CALN1: variants seen among roughly 807,000 people sequenced by gnomAD.
The protein encoded by CALN1 is calcium-binding protein 8.
A neutral mutation model predicts 30.6 loss-of-function variants in CALN1; 17 were observed. The ratio of observed to expected loss-of-function variants is 0.56; its 90% confidence interval spans 0.38 to 0.83. CALN1 has a LOEUF of 0.83. CALN1 is among the 40% of genes least tolerant of loss of function. The pLI is 0.00. For synonymous variants in CALN1, 156 were observed against 131.4 expected (o/e 1.19, Z -1.28); for missense variants, 291 against 354.9 (o/e 0.82, Z 1.45).
chr7:72,311,865 A>G (rs533204553), intron 2 of CALN1, among the ~76,000 whole-genome samples: 1 of 151,894 alleles, frequency 6.6e-6, no homozygotes, highest in Non-Finnish European at 1.5e-5. Context: ...CAAGGCTCAG[A>G]CTTTGAAGAA....
intron 3 of CALN1, among the ~76,000 whole-genome samples, chr7:72,128,905 C>T (rs80138918): frequency 0.024 from 3,630 of 151,974 alleles, 155 homozygotes; most frequent in African/African-American, 0.083. Context: ...TTTGTCAGGG[C>T]AAAAATCAGG....
intron 4 of CALN1, among the ~76,000 whole-genome samples, chr7:72,084,050 A>G (rs1180196800): frequency 6.6e-6 from 1 of 151,706 alleles, no homozygotes; most frequent in East Asian, 1.9e-4. Context: ...CTCTACTAAA[A>G]ATACAAAAAT....
At chr7:71,816,464 C>T (rs1275445974) in intron 5 of CALN1, among the ~76,000 whole-genome samples, 1 of 152,050 alleles carries the variant, frequency 6.6e-6, no homozygotes, top group East Asian at 1.9e-4. Context: ...AGACCCCCTG[C>T]CATGATCAGA....
chr7:72,499,590 C>T, the CALN1 span, among the ~76,000 whole-genome samples: 1 of 151,870 alleles, frequency 6.6e-6, no homozygotes, highest in Non-Finnish European at 1.5e-5. Context: ...AACTGACTCA[C>T]ATGCAGACTC....
the CALN1 span, among the ~76,000 whole-genome samples, chr7:72,470,789 C>A: frequency 1.3e-5 from 2 of 152,150 alleles, no homozygotes; most frequent in African/African-American, 4.8e-5. Context: ...GCAGGGGAAG[C>A]AAACCCATAT....
intron 1 of CALN1, among the ~76,000 whole-genome samples, chr7:72,434,704 T>A (rs913218042): frequency 4.6e-5 from 7 of 152,198 alleles, no homozygotes; most frequent in African/African-American, 1.7e-4. Flanking sequence ...GAGGGCTCCC[T>A]TCATCTGAAG....
chr7:72,154,058 G>A (rs539668414), intron 3 of CALN1, among the ~76,000 whole-genome samples: 1 of 152,216 alleles, frequency 6.6e-6, no homozygotes, highest in African/African-American at 2.4e-5. Flanking sequence ...ATCTCATGAT[G>A]AGATGTCCCT....
chr7:72,054,316 A>G (rs186811596), intron 4 of CALN1, among the ~76,000 whole-genome samples: 23 of 151,378 alleles, frequency 1.5e-4, no homozygotes, highest in Non-Finnish European at 2.7e-4. Flanking sequence ...GTGTAAGATG[A>G]TATCTCATTG....
chr7:72,391,336 T>G (rs1371277856), intron 2 of CALN1, among the ~76,000 whole-genome samples: 1 of 152,172 alleles, frequency 6.6e-6, no homozygotes, highest in Non-Finnish European at 1.5e-5. Context: ...ATCAGAGGTA[T>G]CCACAGGATC....
chr7:72,408,121 G>C (rs919571191), intron 1 of CALN1, among the ~76,000 whole-genome samples: 1 of 151,874 alleles, frequency 6.6e-6, no homozygotes, highest in African/African-American at 2.4e-5. Context: ...GTTCCCTTTG[G>C]TTCCATATTG....
chr7:71,789,003 A>G (rs547474649), intron 6 of CALN1, among the ~76,000 whole-genome samples: 2 of 151,796 alleles, frequency 1.3e-5, no homozygotes, highest in African/African-American at 4.8e-5. Flanking sequence ...GGGTCTTGCT[A>G]TGTTGCCCAG....
chr7:72,087,894 G>A (rs753336860), intron 4 of CALN1, among the ~76,000 whole-genome samples: 1 of 152,180 alleles, frequency 6.6e-6, no homozygotes, highest in Non-Finnish European at 1.5e-5. Context: ...TGGGCGTGAT[G>A]GTGCACGCCT....
intron 2 of CALN1, among the ~76,000 whole-genome samples, chr7:72,358,598 C>G (rs948342080): frequency 1.3e-5 from 2 of 152,112 alleles, no homozygotes; most frequent in African/African-American, 4.8e-5. Context: ...AGAAGAAAAG[C>G]GCAATTTGTG....
At chr7:71,809,006 C>A (rs1787782612) in intron 6 of CALN1, among the ~76,000 whole-genome samples, 1 of 152,152 alleles carries the variant, frequency 6.6e-6, no homozygotes. Flanking sequence ...ACTCCAAATA[C>A]AGTCATTGAT....
At chr7:72,275,228 C>A (rs552361336) in intron 3 of CALN1, among the ~76,000 whole-genome samples, 1 of 152,206 alleles carries the variant, frequency 6.6e-6, no homozygotes, top group African/African-American at 2.4e-5. Context: ...CAGTGTCCAA[C>A]ACATCAACTC....
At chr7:71,873,184 A>C (rs1435137636) in intron 5 of CALN1, among the ~76,000 whole-genome samples, 2 of 151,524 alleles carry the variant, frequency 1.3e-5, no homozygotes, top group African/African-American at 2.4e-5. Context: ...TTTTATTTTT[A>C]GTAGAGACAG....
chr7:72,005,896 C>T (rs915314394), intron 5 of CALN1, among the ~76,000 whole-genome samples: 31 of 151,434 alleles, frequency 2.0e-4, no homozygotes, highest in African/African-American at 6.8e-4. Context: ...CAGAAACCTA[C>T]ACACATGTGA....
At chr7:71,909,917 G>A (rs1484789427) in intron 5 of CALN1, among the ~76,000 whole-genome samples, 1 of 152,186 alleles carries the variant, frequency 6.6e-6, no homozygotes, top group Non-Finnish European at 1.5e-5. Context: ...AAGAAAAGAA[G>A]TTTAATGGAC....
intron 3 of CALN1, among the ~76,000 whole-genome samples, chr7:72,146,947 C>A (rs191162709): frequency 0.013 from 1,958 of 152,270 alleles, 44 homozygotes; most frequent in African/African-American, 0.044. Flanking sequence ...CCCTTCCTTA[C>A]ACCTTATACA....
Sources: allele counts gnomAD v4.1 joint callset (sites outside exome capture counted in the v4.1 genomes callset), GRCh38; gene constraint gnomAD v4.1.1; transcripts MANE v1.5; gene names NCBI Gene and HGNC (gene_info 2026-07-23, HGNC 2026-07-21).